Variants in DCHS2 observed in about 807,000 individuals in gnomAD.
DCHS2 encodes dachsous cadherin-related 2, also known as protocadherin-23.
In DCHS2, 142 loss-of-function variants were observed where a neutral mutation model predicts 182.4. The ratio of observed to expected loss-of-function variants is 0.78; its 90% confidence interval spans 0.68 to 0.89. The LOEUF is 0.89. Among genes scored for constraint, DCHS2 ranks in the 40% least tolerant of loss-of-function variants. The pLI is 0.00. For missense variants in DCHS2, 4,319 were observed against 4,198.6 expected (o/e 1.03, Z -0.79); for synonymous variants, 1,740 against 1,663.3 (o/e 1.05, Z -1.12).
In DCHS2 at chr4:154,417,192, TGTGTGTGTGTGTGAGAGAGA is replaced by T. The variant is rs1367828463; in HGVS notation, c.2053-39768_2053-39749del. On this transcript the variant is annotated intron_variant, in intron 1 of 19. Transcript: ENST00000357232. ...GTGTGTGTGTGTGTGTGTGTGTGTG[TGTGTGTGTGTGTGAGAGAGA>T]GAGAGAGAGAGAGAGAGAGAGAGAG... is the stretch of plus-strand genomic sequence containing the variant. Among the ~76,000 whole-genome samples the T allele has an allele frequency of 7.8e-3, 814 of 103,760 alleles. 6 individuals are homozygous for T. The highest frequency in any genetic ancestry group is 0.046 in the South Asian group (131 of 2,826). 68.1% of individuals were successfully genotyped at this position (103,760 alleles called of 152,430 possible).
intron 1 of DCHS2, among the ~76,000 whole-genome samples, chr4:154,483,207 C>T (rs1735987552): frequency 6.6e-6 from 1 of 151,752 alleles, no homozygotes; most frequent in Non-Finnish European, 1.5e-5. Flanking sequence ...AGAATTACAA[C>T]CGAACAGAGA....
In DCHS2 at chr4:154,490,982, A is replaced by T. The variant is rs1480567706; in HGVS notation, c.374T>A (p.Ile125Asn). The T allele has an allele frequency of 6.4e-7, 1 of 1,550,464 alleles. No homozygotes were observed. Residue 125 changes from isoleucine (I) to asparagine (N), a missense_variant, in exon 1 of 20, where the codon ATC becomes AAC. By Grantham distance (149) the Ile-to-Asn change is moderately radical. Transcript: ENST00000357232. Reference protein sequence around the residue: ...DFHVHPDTGIIRTARRLDRER... With the variant: ...DFHVHPDTGINRTARRLDRER... ...GCGGTCCAGGCGCCGCGCAGTGCGGATGATGCCGGTGTCCGGGTGCACGTG... is the reference window on the plus strand; with the variant it reads ...GCGGTCCAGGCGCCGCGCAGTGCGGTTGATGCCGGTGTCCGGGTGCACGTG...
At position 154,490,385 on chromosome 4, in the gene DCHS2, T is replaced by C; in HGVS notation, c.971A>G (p.Asp324Gly). 6.5e-7 allele frequency: 1 copy of C among 1,534,098 alleles called. No individual in the cohort carries two copies. Among genetic ancestry groups the C allele is most frequent in the Non-Finnish European group, 8.7e-7 (1 of 1,144,644 alleles). The change falls in exon 1 of 20, where the codon GAC (aspartate) becomes GGC (glycine). Residue 324 changes from aspartate (D) to glycine (G), a missense_variant. Asp to Gly is a moderately conservative substitution (Grantham distance 94). Transcript: ENST00000357232. ...GCGCACGAAGCCATTGGGCCCCAGG[T>C]CGCGGTCGGTGGCGCGCACGCGACA... is the stretch of plus-strand genomic sequence containing the variant. ...EVCRVRATDR[D>G]LGPNGFVRYS...
intron 1 of DCHS2, among the ~76,000 whole-genome samples, chr4:154,448,867 TC>T: frequency 6.6e-6 from 1 of 152,140 alleles, no homozygotes; most frequent in Admixed American, 6.6e-5. Flanking sequence ...GTCCTCTCCA[TC>T]CCCCAATATA....
intron 3 of DCHS2, among the ~76,000 whole-genome samples, chr4:154,360,796 G>A (rs1730083800): frequency 6.6e-6 from 1 of 152,142 alleles, no homozygotes; most frequent in Admixed American, 6.6e-5. Flanking sequence ...CTGAGGAACA[G>A]CTGCCCTTGT....
chr4:154,349,696 A>T (rs1729519757), intron 3 of DCHS2, among the ~76,000 whole-genome samples: 1 of 152,312 alleles, frequency 6.6e-6, no homozygotes, highest in Admixed American at 6.5e-5. Context: ...GGGAAATCAC[A>T]GCCTTTATGG....
chr4:154,353,743 G>T (rs1184621881), intron 3 of DCHS2, among the ~76,000 whole-genome samples: 1 of 152,156 alleles, frequency 6.6e-6, no homozygotes, highest in Non-Finnish European at 1.5e-5. Context: ...TCCCTGGAGG[G>T]TCTCAAAGGG....
At chr4:154,398,599 A>AT (rs922687072) in intron 1 of DCHS2, among the ~76,000 whole-genome samples, 2 of 152,128 alleles carry the variant, frequency 1.3e-5, no homozygotes, top group Non-Finnish European at 1.5e-5. Flanking sequence ...AACTTCCAAA[A>AT]TTTTTGAATG....
At chr4:154,418,272 T>C (rs190018037) in intron 1 of DCHS2, among the ~76,000 whole-genome samples, 2 of 152,220 alleles carry the variant, frequency 1.3e-5, no homozygotes, top group Non-Finnish European at 2.9e-5. Context: ...AACCCATGAA[T>C]GTGCCCAGAG....
chr4:154,466,513 G>A (rs1314839885), intron 1 of DCHS2, among the ~76,000 whole-genome samples: 5 of 152,108 alleles, frequency 3.3e-5, no homozygotes, highest in Non-Finnish European at 7.4e-5. Flanking sequence ...CTCATCCCTC[G>A]AGACCGCTTG....
At chr4:154,397,678 G>T (rs1731992414) in intron 1 of DCHS2, among the ~76,000 whole-genome samples, 1 of 152,176 alleles carries the variant, frequency 6.6e-6, no homozygotes, top group African/African-American at 2.4e-5. Flanking sequence ...CCATTCCATA[G>T]TTAATTCTCC....
At chr4:154,263,542 T>A (rs1733086136) in intron 14 of DCHS2, among the ~76,000 whole-genome samples, 1 of 152,048 alleles carries the variant, frequency 6.6e-6, no homozygotes. Flanking sequence ...CCACAACCTT[T>A]TATCTTACTA....
chr4:154,252,986 C>T (rs928861662), intron 16 of DCHS2, among the ~76,000 whole-genome samples: 2 of 151,562 alleles, frequency 1.3e-5, no homozygotes, highest in East Asian at 1.9e-4. Context: ...GTTTCCAGAA[C>T]ATTCACTAAA....
Position 154,491,028 on chromosome 4 carries a change from A to C in DCHS2, c.328T>G (p.Ser110Ala). Residue 110 changes from serine (S) to alanine (A), a missense_variant, in exon 1 of 20, where the codon TCC becomes GCC. By Grantham distance (99) the Ser-to-Ala change is moderately conservative. Transcript: ENST00000357232. ...ACGTGGAAGTCGTCCAGCAGCGGGG[A>C]GTCATCGGAGTCCTCCGACAGAAAG... ...GFFLSEDSDD[S>A]PLLDDFHVHP... 6.4e-7 allele frequency: 1 copy of C among 1,550,834 alleles called. No homozygotes were observed.
At chr4:154,255,028 AAATGT>A (rs1303924101) in intron 16 of DCHS2, among the ~76,000 whole-genome samples, 1 of 152,214 alleles carries the variant, frequency 6.6e-6, no homozygotes, top group Non-Finnish European at 1.5e-5. Flanking sequence ...TTTTAATGTT[AAATGT>A]ATGCGTTTAA....
At chr4:154,411,275 AAAG>A (rs1181081274) in intron 1 of DCHS2, among the ~76,000 whole-genome samples, 4 of 152,168 alleles carry the variant, frequency 2.6e-5, no homozygotes, top group South Asian at 2.1e-4. Flanking sequence ...GATGTAGGTC[AAAG>A]AATACAAAGT....
intron 1 of DCHS2, among the ~76,000 whole-genome samples, chr4:154,389,471 T>C (rs1731570823): frequency 7.0e-6 from 1 of 143,488 alleles, no homozygotes; most frequent in African/African-American, 2.5e-5. Context: ...ACAGGTTTAC[T>C]ATCCATGTAT....
chr4:154,463,665 T>C (rs1735110082), intron 1 of DCHS2, among the ~76,000 whole-genome samples: 1 of 151,486 alleles, frequency 6.6e-6, no homozygotes, highest in Non-Finnish European at 1.5e-5. Context: ...TTAGGTAAAC[T>C]AAAAATCCTG....
At chr4:154,458,835 C>A (rs1438144797) in intron 1 of DCHS2, among the ~76,000 whole-genome samples, 1 of 152,134 alleles carries the variant, frequency 6.6e-6, no homozygotes, top group Non-Finnish European at 1.5e-5. Context: ...ATACTGTCCT[C>A]TAAGGTTGCA....
Sources: gnomAD v4.1 joint callset for allele counts (sites outside exome capture counted in the v4.1 genomes callset) on GRCh38, gnomAD v4.1.1 for gene constraint, MANE v1.5 for transcripts, NCBI Gene and HGNC (gene_info 2026-07-23, HGNC 2026-07-21) for gene names.